Variants in ARAP1 observed in about 807,000 individuals in gnomAD.
ARAP1 encodes arf-GAP with Rho-GAP domain, ANK repeat and PH domain-containing protein 1.
ARAP1 carries 76 observed loss-of-function variants against 172.2 expected under a neutral mutation model. The observed-to-expected ratio is 0.44, with a 90% confidence interval of 0.37 to 0.53. ARAP1 has a LOEUF of 0.53. Ranked by LOEUF, ARAP1 falls within the 20% of genes least tolerant of loss-of-function variation. The probability of loss-of-function intolerance (pLI) is 0.00; values close to 1 mark genes in which losing one functional copy is unlikely to be tolerated. For missense variants in ARAP1, 1,686 were observed against 1,977.5 expected, an observed-to-expected ratio of 0.85 and a Z score of 2.80; for synonymous variants, 804 against 803.3, an observed-to-expected ratio of 1.00 and a Z score of -0.01.
In ARAP1 at chr11:72,710,999, C is replaced by G. The variant is rs939876812; in HGVS notation, c.1213+22G>C. ...TTCTCTACCCTCTTCTACACACACA[C>G]ACAACACCCCACACTCCCCACCATC... On this transcript the variant is annotated intron_variant, in intron 9 of 34. Transcript: ENST00000393609. The surrounding 1 kb of genome is among the most constrained non-coding windows in gnomAD (Gnocchi z 4.3). 7.4e-6 allele frequency: 12 copies of G among 1,613,976 alleles called. No homozygotes were observed. In the African/African-American group the frequency reaches 1.6e-4, roughly 22 times the overall value.
At chr11:72,704,120 C>G in intron 14 of ARAP1, 32 bp downstream of exon 14, 1 of 1,613,558 alleles carries the variant, frequency 6.2e-7, no homozygotes. Flanking sequence ...CGGGGGTGGT[C>G]CCAAGGGGCC....
rs1010325849 is a variant in ARAP1, at chr11:72,711,147, G to T, written c.1093-6C>A. ...AAGCGCTTAGAGTAAGCGTCCTGGG[G>T]GAGAGACAGGAACTATATTTTGGGA... On this transcript the variant is annotated splice_polypyrimidine_tract_variant and splice_region_variant and intron_variant, in intron 8 of 34. Transcript: ENST00000393609. 1.2e-6 allele frequency: 2 copies of T among 1,613,954 alleles called. No homozygotes were observed. Among genetic ancestry groups the T allele is most frequent in the African/African-American group, 2.7e-5 (2 of 74,898 alleles).
chr11:72,700,857 G>T (rs930324858), intron 16 of ARAP1, among the ~76,000 whole-genome samples: 1 of 152,208 alleles, frequency 6.6e-6, no homozygotes, highest in Non-Finnish European at 1.5e-5. Context: ...AATTAGCCAG[G>T]CATGATGGCG....
chr11:72,723,900 G>A (rs986044525), intron 3 of ARAP1, among the ~76,000 whole-genome samples: 1 of 152,140 alleles, frequency 6.6e-6, no homozygotes, highest in Non-Finnish European at 1.5e-5. Context: ...GTACACACAC[G>A]TGCACACACT....
rs1482704684 is a variant in ARAP1, at chr11:72,729,320, G to C, written c.-44-2148C>G. ...ATTTTAAAAAACCATGGCTGGGCAA[G>C]GTGGCTCACACCTATAATCCCAGCA... On this transcript the variant is annotated intron_variant, in intron 2 of 34. Coordinates refer to ENST00000393609, the MANE Select transcript of ARAP1 (RefSeq NM_001040118.3). Among the ~76,000 whole-genome samples, 3 of 152,170 alleles carry C rather than the reference G, an allele frequency of 2.0e-5. No individual in the cohort carries two copies. In the East Asian group the frequency reaches 5.8e-4, roughly 29 times the overall value.
intron 1 of ARAP1, among the ~76,000 whole-genome samples, chr11:72,739,648 C>T (rs1858142321): frequency 6.6e-6 from 1 of 152,212 alleles, no homozygotes; most frequent in Admixed American, 6.5e-5. Context: ...CTCCCTGCCT[C>T]CTAGAGCCTG....
chr11:72,743,391 C>T (rs1333054770), intron 1 of ARAP1, among the ~76,000 whole-genome samples: 1 of 152,042 alleles, frequency 6.6e-6, no homozygotes, highest in African/African-American at 2.4e-5. Context: ...ACCTCAAATC[C>T]CTCCCCAGGG....
rs1264969705 is a variant in ARAP1, at chr11:72,710,465, T to C, written c.1336A>G (p.Ser446Gly). ...TTCTTGAAGCCACGAAGCTCCAGGC[T>C]GCCAGCGCGGTCAGGCTGCTCTGAG... The part of the protein sequence containing the change: ...PGSEQPDRAG[S>G]LELRGFKNKL... The change falls in exon 10 of 35, where the codon AGC (serine) becomes GGC (glycine). Residue 446 changes from serine to glycine, a missense_variant. This residue lies in a region of ARAP1 where 688 missense variants were observed against 856.9 expected (regional missense o/e 0.80). Transcript: ENST00000393609. The surrounding 1 kb of genome is among the most constrained non-coding windows in gnomAD (Gnocchi z 4.3). The C allele has an allele frequency of 3.1e-6, 5 of 1,614,070 alleles. No homozygotes were observed. Among genetic ancestry groups the C allele is most frequent in the Non-Finnish European group, 4.2e-6 (5 of 1,179,986 alleles).
At position 72,711,011 on chromosome 11, in the gene ARAP1, C is replaced by T. The variant is rs370457672; in HGVS notation, c.1213+10G>A. On this transcript the variant is annotated intron_variant, in intron 9 of 34. Transcript: ENST00000393609. ...TTCTACACACACACACAACACCCCACACTCCCCACCATCACTCTCTGCCCG... is the reference window on the plus strand; with the variant it reads ...TTCTACACACACACACAACACCCCATACTCCCCACCATCACTCTCTGCCCG... 11 of 1,614,074 alleles carry T rather than the reference C, an allele frequency of 6.8e-6. No individual in the cohort carries two copies. The South Asian group carries it at 8.8e-5, about 13-fold the overall frequency.
chr11:72,690,060 A>C (rs1426016491), intron 30 of ARAP1, among the ~76,000 whole-genome samples: 1 of 152,158 alleles, frequency 6.6e-6, no homozygotes, highest in Non-Finnish European at 1.5e-5. Context: ...TCTGGGTATG[A>C]GGAAGGATGT....
At chr11:72,716,851 C>T (rs1857293281) in intron 3 of ARAP1, among the ~76,000 whole-genome samples, 1 of 152,220 alleles carries the variant, frequency 6.6e-6, no homozygotes, top group African/African-American at 2.4e-5. Context: ...CAAGCTGCTC[C>T]CTACCCAACG....
In ARAP1 at chr11:72,693,826, C is replaced by T. The variant is rs1389958174; in HGVS notation, c.3695-21G>A. 6.4e-7 allele frequency: 1 copy of T among 1,567,498 alleles called. No homozygotes were observed. Among genetic ancestry groups the T allele is most frequent in the South Asian group, 1.2e-5 (1 of 86,190 alleles). ...GCGCTCTGGGGAGAGGTCACACCTA[C>T]CGTCACTGGGACCACATGGCCCGAT... On this transcript the variant is annotated intron_variant, in intron 27 of 34. Coordinates refer to ENST00000393609, the MANE Select transcript of ARAP1 (RefSeq NM_001040118.3). This position sits in a 1 kb window ranked among gnomAD's most constrained non-coding sequence, Gnocchi z 4.6.
chr11:72,722,682 A>C (rs559192656), intron 3 of ARAP1, among the ~76,000 whole-genome samples: 5 of 152,222 alleles, frequency 3.3e-5, no homozygotes, highest in African/African-American at 1.2e-4. Context: ...GTGTGGCTCC[A>C]GCTGGGCAGC....
intron 3 of ARAP1, among the ~76,000 whole-genome samples, chr11:72,718,547 A>G (rs1857380459): frequency 6.6e-6 from 1 of 151,548 alleles, no homozygotes; most frequent in Non-Finnish European, 1.5e-5. Flanking sequence ...CTCCTCCTCT[A>G]GGCAACCTCC....
chr11:72,703,010 T>A lies in ARAP1; in HGVS notation c.2062A>T (p.Ile688Phe), dbSNP rs1238199368. Residue 688 changes from isoleucine (I) to phenylalanine (F), a missense_variant, in exon 15 of 35, where the codon ATC becomes TTC. By Grantham distance (21) the Ile-to-Phe change is conservative (BLOSUM62 0). This residue lies in a region of ARAP1 where 688 missense variants were observed against 856.9 expected (regional missense o/e 0.80). Coordinates refer to ENST00000393609, the MANE Select transcript of ARAP1 (RefSeq NM_001040118.3). ...TCAGGGTCCCCCGAGAAGCAGTTGA[T>A]CCCAGCCCCACAGCCCAGGAGCGCC... Reference protein sequence around the residue: ...TQALLGCGAGINCFSGDPEAP... With the variant: ...TQALLGCGAGFNCFSGDPEAP... 1 of 1,587,074 alleles carries A rather than the reference T, an allele frequency of 6.3e-7. No homozygotes were observed. Among genetic ancestry groups the A allele is most frequent in the Admixed American group, 1.8e-5 (1 of 55,616 alleles).
Position 72,704,247 on chromosome 11 carries a change from G to T in ARAP1, c.1897C>A (p.Pro633Thr). The T allele has an allele frequency of 1.2e-6, 2 of 1,613,600 alleles. No homozygotes were observed. The highest frequency in any genetic ancestry group is 8.5e-7 in the Non-Finnish European group (1 of 1,179,838). Reference protein sequence around the residue: ...PSEALQPSSSPSTRRCHLEAK... With the variant: ...PSEALQPSSSTSTRRCHLEAK... Reference sequence around the variant, plus strand: ...TCCAGGTGGCACCGCCGGGTGCTGGGGCTGCTGCTGGGCTGCAGGGCCTCA... The same window carrying T: ...TCCAGGTGGCACCGCCGGGTGCTGGTGCTGCTGCTGGGCTGCAGGGCCTCA... The change falls in exon 14 of 35, where the codon CCC becomes ACC. Residue 633 changes from proline (P) to threonine (T), a missense_variant. Physicochemically the swap from Pro to Thr is conservative, Grantham distance 38. Coordinates refer to ENST00000393609, the MANE Select transcript of ARAP1 (RefSeq NM_001040118.3).
At chr11:72,730,096 T>C (rs1857816593) in intron 2 of ARAP1, among the ~76,000 whole-genome samples, 1 of 152,052 alleles carries the variant, frequency 6.6e-6, no homozygotes, top group Non-Finnish European at 1.5e-5. Flanking sequence ...CTAGGGGATA[T>C]CTGCCACTCA....
intron 29 of ARAP1, 122 bp from the exon 30 acceptor site, chr11:72,692,907 C>T: frequency 7.7e-7 from 1 of 1,299,228 alleles, no homozygotes. Flanking sequence ...TGGAGGGTGT[C>T]AAATGGAGTC....
chr11:72,701,639 T>C lies in ARAP1; in HGVS notation c.2302+10A>G. ...CCATGGGCTAAAGCAGAGTCTGGGG[T>C]GGCACCCACCTTCCCGGGCCCGGCG... On this transcript the variant is annotated intron_variant, in intron 16 of 34. Coordinates refer to ENST00000393609, the MANE Select transcript of ARAP1 (RefSeq NM_001040118.3). The C allele has an allele frequency of 6.2e-7, 1 of 1,610,978 alleles. No individual in the cohort carries two copies. Among genetic ancestry groups the C allele is most frequent in the Non-Finnish European group, 8.5e-7 (1 of 1,178,798 alleles).
Sources: gnomAD v4.1 joint callset for allele counts (sites outside exome capture counted in the v4.1 genomes callset) on GRCh38, gnomAD v4.1.1 for gene constraint, gnomAD v4.1.1 regional missense constraint, Gnocchi (gnomAD v3.1) non-coding constraint, MANE v1.5 for transcripts, NCBI Gene and HGNC (gene_info 2026-07-23, HGNC 2026-07-21) for gene names.